WDR76: variants seen among roughly 807,000 people sequenced by gnomAD.
WDR76 encodes WD repeat-containing protein 76.
In WDR76, 52 loss-of-function variants were observed where a neutral mutation model predicts 70.2. The ratio of observed to expected loss-of-function variants is 0.74; its 90% confidence interval spans 0.59 to 0.93. The LOEUF (loss-of-function observed/expected upper bound fraction) is 0.93. Among genes scored for constraint, WDR76 ranks in the 40% least tolerant of loss-of-function variants. The probability of loss-of-function intolerance (pLI) is 0.00; values close to 1 mark genes in which losing one functional copy is unlikely to be tolerated. For missense variants in WDR76, 756 were observed against 760.2 expected (o/e 0.99, Z 0.07); for synonymous variants, 292 against 271.1 (o/e 1.08, Z -0.76).
At chr15:43,858,914 C>G in intron 11 of WDR76, 91 bp downstream of exon 11, 2 of 1,442,958 alleles carry the variant, frequency 1.4e-6, no homozygotes, top group Non-Finnish European at 1.9e-6. Flanking sequence ...ACTGCTGTTC[C>G]CTATTAAATT....
At chr15:43,851,035 C>G (rs1380735404) in intron 8 of WDR76, 52 bp from the exon 9 acceptor site, 3 of 1,597,234 alleles carry the variant, frequency 1.9e-6, no homozygotes, top group Non-Finnish European at 1.7e-6. Flanking sequence ...GCAAAAATCA[C>G]TATTTTTCAC....
Position 43,839,721 on chromosome 15 carries a change from A to G in WDR76, c.725A>G (p.Asp242Gly). The change falls in exon 5 of 13, where the codon GAT (aspartate) becomes GGT (glycine). Residue 242 changes from aspartate (D) to glycine (G), a missense_variant. By Grantham distance (94) the Asp-to-Gly change is moderately conservative. Transcript: ENST00000263795. ...CCAACACCGCCGACATTAGTAGCAG[A>G]TGAAACTGTAAGGAAATGTGCAAAT... ...AAPTPPTLVA[D>G]ETPLLPPGPL... 1 of 1,605,142 alleles carries G rather than the reference A, an allele frequency of 6.2e-7. No homozygotes were observed. Among genetic ancestry groups the G allele is most frequent in the Non-Finnish European group, 8.5e-7 (1 of 1,175,892 alleles).
chr15:43,831,729 C>T (rs1444359361), intron 2 of WDR76, among the ~76,000 whole-genome samples: 11 of 151,790 alleles, frequency 7.2e-5, no homozygotes, highest in African/African-American at 1.2e-4. Context: ...CGTGAGCCAC[C>T]GCGCATGCCA....
At chr15:43,835,443 C>T (rs1295615501) in intron 3 of WDR76, among the ~76,000 whole-genome samples, 1 of 151,854 alleles carries the variant, frequency 6.6e-6, no homozygotes, top group Non-Finnish European at 1.5e-5. Flanking sequence ...GAGCTATGAT[C>T]ATGCCACTGC....
At chr15:43,834,949 T>G in intron 2 of WDR76, 112 bp from the exon 3 acceptor site, 1 of 845,388 alleles carries the variant, frequency 1.2e-6, no homozygotes, top group Admixed American at 2.4e-5. Flanking sequence ...TGAATAGAGA[T>G]AGTACAATTT....
rs1187182026 is a variant in WDR76 at position 43,867,151 on chromosome 15, C to T, written c.*759C>T. The T allele has an allele frequency of 1.3e-5, 2 of 151,998 alleles. No individual in the cohort carries two copies. Among genetic ancestry groups the T allele is most frequent in the African/African-American group, 2.4e-5 (1 of 41,354 alleles). The allele number at this position is 151,998 out of a possible 1,614,324, so 9.4% of individuals were successfully genotyped here. The stretch of plus-strand genomic sequence containing the variant: ...TGATTTTAAAACTTGATTTTTTTAA[C>T]TGAGAACTTTTTTTGCCCCCTGCCT... On this transcript the variant is annotated 3_prime_UTR_variant, in exon 13 of 13. Transcript: ENST00000263795.
At chr15:43,827,188 A>G in intron 1 of WDR76, 96 bp downstream of exon 1, 1 of 1,522,866 alleles carries the variant, frequency 6.6e-7, no homozygotes, top group Non-Finnish European at 9.1e-7. Context: ...GGCACCTGGC[A>G]CCGGGGGTAG....
At chr15:43,851,321 A>G (rs1378973683) in intron 9 of WDR76, 76 bp downstream of exon 9, 2 of 1,563,130 alleles carry the variant, frequency 1.3e-6, no homozygotes, top group Non-Finnish European at 1.7e-6. Flanking sequence ...AATAATTATT[A>G]TACCAATTGG....
At chr15:43,850,113 T>G (rs996421502) in intron 8 of WDR76, among the ~76,000 whole-genome samples, 1 of 152,034 alleles carries the variant, frequency 6.6e-6, no homozygotes, top group Non-Finnish European at 1.5e-5. Flanking sequence ...TAGAGGTGAT[T>G]CTTTGGTTCA....
rs762158867 is a variant in WDR76 at position 43,861,426 on chromosome 15, T to C, written c.1616+40T>C. The C allele has an allele frequency of 3.2e-6, 5 of 1,555,682 alleles. No homozygotes were observed. The South Asian group carries it at 5.6e-5, about 17-fold the overall frequency. On this transcript the variant is annotated intron_variant, in intron 12 of 12. Transcript: ENST00000263795. The stretch of plus-strand genomic sequence containing the variant: ...GCCAAATAATGTAGATGTGGATTAC[T>C]ATGAACTATTTGTTGCAGTGCATAC...
chr15:43,837,963 C>T (rs1432672117), intron 4 of WDR76, among the ~76,000 whole-genome samples: 6 of 151,688 alleles, frequency 4.0e-5, no homozygotes, highest in South Asian at 4.2e-4. Context: ...GCAACCTCCA[C>T]CTCCCAGGTT....
intron 4 of WDR76, among the ~76,000 whole-genome samples, chr15:43,838,000 C>G (rs1156342946): frequency 6.6e-6 from 1 of 150,686 alleles, no homozygotes; most frequent in South Asian, 2.1e-4. Flanking sequence ...CTCAGCCTCC[C>G]GAGTAACTGG....
intron 8 of WDR76, among the ~76,000 whole-genome samples, chr15:43,848,073 A>AG (rs2087810438): frequency 6.9e-6 from 1 of 145,338 alleles, no homozygotes; most frequent in Non-Finnish European, 1.5e-5. Flanking sequence ...CTTAAAAAAA[A>AG]CAAACAAACA....
At chr15:43,857,914 T>C (rs542773759) in intron 10 of WDR76, among the ~76,000 whole-genome samples, 2 of 150,618 alleles carry the variant, frequency 1.3e-5, no homozygotes, top group Non-Finnish European at 3.0e-5. Context: ...GTACTTGTTA[T>C]CTATACCAGT....
intron 8 of WDR76, among the ~76,000 whole-genome samples, chr15:43,850,703 C>T (rs182959217): frequency 7.9e-5 from 12 of 152,304 alleles, no homozygotes; most frequent in Admixed American, 7.8e-4. Context: ...TAATATTATA[C>T]AGAAGAAGCC....
chr15:43,856,206 G>C (rs1567191353), intron 9 of WDR76, among the ~76,000 whole-genome samples: 1 of 151,972 alleles, frequency 6.6e-6, no homozygotes, highest in Non-Finnish European at 1.5e-5. Flanking sequence ...TATTTATGTT[G>C]CTTCTTATTG....
intron 4 of WDR76, among the ~76,000 whole-genome samples, chr15:43,837,855 A>G (rs1437958123): frequency 6.9e-6 from 1 of 144,928 alleles, no homozygotes; most frequent in African/African-American, 2.6e-5. Context: ...TTGTGGTAAT[A>G]TTTCCTTGCA....
At position 43,827,054 on chromosome 15, in the gene WDR76, G is replaced by C; in HGVS notation, c.22G>C (p.Ala8Pro). Residue 8 changes from alanine (A) to proline (P), a missense_variant, in exon 1 of 13, where the codon GCT becomes CCT. Transcript: ENST00000263795. MSRSGAA[A>P]EKADSRQRPQ... ...AAAGATGTCCAGGTCGGGCGCGGCG[G>C]CTGAGAAGGCGGACTCCAGACAGCG... is the stretch of plus-strand genomic sequence containing the variant. The C allele has an allele frequency of 6.2e-7, 1 of 1,614,158 alleles. No homozygotes were observed. The highest frequency in any genetic ancestry group is 1.1e-5 in the South Asian group (1 of 91,088).
At chr15:43,832,094 T>G (rs1321973570) in intron 2 of WDR76, among the ~76,000 whole-genome samples, 1 of 152,220 alleles carries the variant, frequency 6.6e-6, no homozygotes, top group East Asian at 1.9e-4. Flanking sequence ...TAATTGGATT[T>G]AGAATTGTAA....
Sources: allele counts gnomAD v4.1 joint callset (sites outside exome capture counted in the v4.1 genomes callset), GRCh38; gene constraint gnomAD v4.1.1; transcripts MANE v1.5; gene names NCBI Gene and HGNC (gene_info 2026-07-23, HGNC 2026-07-21).